UGP2: variants seen among roughly 807,000 people sequenced by gnomAD.
The protein encoded by UGP2 is UTP--glucose-1-phosphate uridylyltransferase.
A neutral mutation model predicts 49.0 loss-of-function variants in UGP2; 40 were observed. The ratio of observed to expected loss-of-function variants is 0.82; its 90% CI spans 0.63 to 1.06. UGP2 has a LOEUF of 1.06. Ranked by LOEUF, UGP2 falls within the 50% of genes least tolerant of loss-of-function variation. The pLI is 0.00. For synonymous variants in UGP2, 225 were observed against 213.0 expected, an observed-to-expected ratio of 1.06 and a Z score of -0.49; for missense variants, 460 against 603.5, an observed-to-expected ratio of 0.76 and a Z score of 2.49.
At chr2:63,856,036 T>A (rs1307635619) in intron 1 of UGP2, 2 of 297,232 alleles carry the variant, frequency 6.7e-6, no homozygotes, top group Non-Finnish European at 1.3e-5. Context: ...TATGCCCTTC[T>A]CCTTTTAAAA....
chr2:63,881,239 T>C (rs540620341), intron 3 of UGP2, among the ~76,000 whole-genome samples: 7 of 152,228 alleles, frequency 4.6e-5, no homozygotes, highest in Admixed American at 4.6e-4. Flanking sequence ...CAACATATGA[T>C]ATATGTATGT....
chr2:63,882,294 A>C (rs1671370656), intron 3 of UGP2, among the ~76,000 whole-genome samples, 172 bp from the exon 4 acceptor site: 1 of 152,230 alleles, frequency 6.6e-6, no homozygotes, highest in Admixed American at 6.5e-5. Context: ...GTTGCCTGTT[A>C]AAGTACTTGA....
intron 3 of UGP2, among the ~76,000 whole-genome samples, chr2:63,873,403 C>T (rs540566377): frequency 1.3e-5 from 2 of 152,234 alleles, no homozygotes; most frequent in South Asian, 4.1e-4. Flanking sequence ...AAATGAATGA[C>T]TTCTGTTACT....
chr2:63,872,695 C>G (rs1670637173), intron 3 of UGP2, among the ~76,000 whole-genome samples: 1 of 151,044 alleles, frequency 6.6e-6, no homozygotes, highest in African/African-American at 2.4e-5. Context: ...TGAATCGGGT[C>G]ACGGAGGAAA....
chr2:63,880,729 AGTT>A (rs1671245844), intron 3 of UGP2, among the ~76,000 whole-genome samples: 1 of 152,084 alleles, frequency 6.6e-6, no homozygotes, highest in Admixed American at 6.5e-5. Flanking sequence ...TGGGGGGTCA[AGTT>A]GTTATCACCC....
Position 63,886,371 on chromosome 2 carries a change from CTG to C in UGP2, c.905_906del (p.Leu302GlnfsTer26). Reference sequence around the variant, plus strand: ...GACACTCACTCAATATGAAGGCAAACTGAGACTGGTGGAAATTGCTCAAGTGC... The same window carrying C: ...GACACTCACTCAATATGAAGGCAAACAGACTGGTGGAAATTGCTCAAGTGC... Reference protein sequence around the residue: ...GGTLTQYEGKLRLVEIAQVPK... With the variant: ...GGTLTQYEGKXRLVEIAQVPK... On this transcript the variant is annotated frameshift_variant, in exon 7 of 10. Coordinates refer to ENST00000337130, the MANE Select transcript of UGP2 (RefSeq NM_006759.4). LOFTEE classifies it high-confidence loss of function. 1.9e-6 allele frequency: 3 copies of C among 1,614,174 alleles called. No homozygotes were observed. Among genetic ancestry groups the C allele is most frequent in the Non-Finnish European group, 2.5e-6 (3 of 1,180,016 alleles).
chr2:63,883,090 C>T (rs1331777041), intron 4 of UGP2, among the ~76,000 whole-genome samples: 1 of 152,186 alleles, frequency 6.6e-6, no homozygotes. Context: ...ACCATAAGCT[C>T]TTTTGGGGCA....
intron 1 of UGP2, chr2:63,842,624 G>C: frequency 6.9e-7 from 1 of 1,442,862 alleles, no homozygotes; most frequent in Non-Finnish European, 9.1e-7. Context: ...GACTGTTGGG[G>C]AAGCTTTAGT....
intron 1 of UGP2, among the ~76,000 whole-genome samples, chr2:63,846,585 A>G (rs768548323): frequency 1.3e-5 from 2 of 152,226 alleles, no homozygotes; most frequent in Non-Finnish European, 2.9e-5. Flanking sequence ...CTTGAGGCCT[A>G]TCAGCTTTCC....
upstream of UGP2, chr2:63,841,311 G>T (rs1428270296): frequency 6.6e-6 from 1 of 152,182 alleles, no homozygotes; most frequent in Admixed American, 6.6e-5. Flanking sequence ...TCCCGCTCTC[G>T]CTGGCCCGCT....
At chr2:63,843,424 C>T (rs1360111108) in intron 1 of UGP2, among the ~76,000 whole-genome samples, 1 of 152,186 alleles carries the variant, frequency 6.6e-6, no homozygotes, top group East Asian at 1.9e-4. Context: ...TAGAAACGTA[C>T]TGGTTTTGTA....
Position 63,857,954 on chromosome 2 carries a change from T to G in UGP2, c.255+18T>G. On this transcript the variant is annotated intron_variant, in intron 3 of 9. Coordinates refer to ENST00000337130, the MANE Select transcript of UGP2 (RefSeq NM_006759.4). ...AAGATTCGGTAAGTTTTAGATAAAATGTAGGAAAATGTAGGGTAATCTTGG... is the reference window on the plus strand; with the variant it reads ...AAGATTCGGTAAGTTTTAGATAAAAGGTAGGAAAATGTAGGGTAATCTTGG... 6.2e-7 allele frequency: 1 copy of G among 1,607,142 alleles called. No individual in the cohort carries two copies. Among genetic ancestry groups the G allele is most frequent in the South Asian group, 1.1e-5 (1 of 90,652 alleles).
At chr2:63,882,754 A>C (rs1671403310) in intron 4 of UGP2, 103 bp downstream of exon 4, 2 of 1,238,232 alleles carry the variant, frequency 1.6e-6, no homozygotes, top group Non-Finnish European at 2.2e-6. Flanking sequence ...TGAGCTAACC[A>C]AAGAGCCTGC....
chr2:63,872,716 A>T (rs921985488), intron 3 of UGP2, among the ~76,000 whole-genome samples: 3 of 152,008 alleles, frequency 2.0e-5, no homozygotes, highest in Admixed American at 6.6e-5. Context: ...CAGCAACTAC[A>T]TAATTTCCCT....
chr2:63,857,145 A>G (rs1317290860), intron 2 of UGP2, among the ~76,000 whole-genome samples: 1 of 152,106 alleles, frequency 6.6e-6, no homozygotes, highest in Non-Finnish European at 1.5e-5. Flanking sequence ...ACCAAAAAAT[A>G]CAAAAATTAG....
chr2:63,870,949 A>G (rs1230582960), intron 3 of UGP2, among the ~76,000 whole-genome samples: 1 of 152,226 alleles, frequency 6.6e-6, no homozygotes, highest in Non-Finnish European at 1.5e-5. Context: ...AGGAAGTGAT[A>G]GTTTTGCCAT....
chr2:63,841,297 T>G (rs1671516966), upstream of UGP2: 1 of 150,448 alleles, frequency 6.6e-6, no homozygotes, highest in Non-Finnish European at 1.5e-5. Context: ...TGGATGAGTG[T>G]GTTTCCCGCT....
intron 3 of UGP2, among the ~76,000 whole-genome samples, chr2:63,878,368 T>G (rs577841929): frequency 1.3e-5 from 2 of 152,332 alleles, no homozygotes; most frequent in South Asian, 4.1e-4. Flanking sequence ...TCACTGATAA[T>G]TGCATAACAC....
chr2:63,841,876 C>G, upstream of UGP2: 2 of 315,390 alleles, frequency 6.3e-6, no homozygotes, highest in Non-Finnish European at 1.2e-5. Context: ...AATTTAAGTT[C>G]GTGTGGTTTT....
Sources: gnomAD v4.1 joint callset for allele counts (sites outside exome capture counted in the v4.1 genomes callset) on GRCh38, gnomAD v4.1.1 for gene constraint, MANE v1.5 for transcripts, NCBI Gene and HGNC (gene_info 2026-07-23, HGNC 2026-07-21) for gene names.